FHIP1A: variants seen among roughly 807,000 people sequenced by gnomAD.
The protein encoded by FHIP1A is FHF complex subunit HOOK-interacting protein 1A.
A neutral mutation model predicts 88.6 loss-of-function variants in FHIP1A; 61 were observed. The observed-to-expected ratio is 0.69, with a 90% CI of 0.56 to 0.85. The LOEUF (loss-of-function observed/expected upper bound fraction) is 0.85. Among genes scored for constraint, FHIP1A ranks in the 40% least tolerant of loss-of-function variants. The pLI is 0.00. For synonymous variants in FHIP1A, 478 were observed against 496.0 expected, an observed-to-expected ratio of 0.96 and a Z score of 0.48; for missense variants, 1,154 against 1,273.5, an observed-to-expected ratio of 0.91 and a Z score of 1.43.
intron 3 of FHIP1A, among the ~76,000 whole-genome samples, chr4:151,496,382 C>T (rs2126655102): frequency 6.6e-6 from 1 of 152,102 alleles, no homozygotes; most frequent in African/African-American, 2.4e-5. Flanking sequence ...TTAGCATCAC[C>T]ATTTCCAGGG....
intron 2 of FHIP1A, among the ~76,000 whole-genome samples, chr4:151,478,253 A>C (rs1242129591): frequency 2.0e-5 from 3 of 152,194 alleles, no homozygotes; most frequent in African/African-American, 4.8e-5. Context: ...TAATATGTTT[A>C]TTTGTGTAAA....
intron 3 of FHIP1A, among the ~76,000 whole-genome samples, chr4:151,497,481 C>T (rs1730504086): frequency 6.6e-6 from 1 of 152,136 alleles, no homozygotes; most frequent in African/African-American, 2.4e-5. Flanking sequence ...ATGTATGTAT[C>T]TTGCAAAACT....
At chr4:151,546,273 C>T (rs1732499088) in intron 3 of FHIP1A, among the ~76,000 whole-genome samples, 1 of 152,226 alleles carries the variant, frequency 6.6e-6, no homozygotes, top group South Asian at 2.1e-4. Context: ...CTACCTCACT[C>T]TCAGGTTCTC....
chr4:151,428,832 C>T (rs1235923476), intron 1 of FHIP1A, among the ~76,000 whole-genome samples: 9 of 152,142 alleles, frequency 5.9e-5, no homozygotes, highest in Non-Finnish European at 1.0e-4. Context: ...AACACCATTC[C>T]TCCCCCTCCC....
At chr4:151,632,709 A>G (rs1246121995) in intron 8 of FHIP1A, among the ~76,000 whole-genome samples, 1 of 152,090 alleles carries the variant, frequency 6.6e-6, no homozygotes, top group African/African-American at 2.4e-5. Flanking sequence ...ATGAATACAT[A>G]CAAATTAAAC....
At chr4:151,475,398 A>C (rs1036704833) in intron 2 of FHIP1A, among the ~76,000 whole-genome samples, 3 of 152,218 alleles carry the variant, frequency 2.0e-5, no homozygotes, top group Non-Finnish European at 4.4e-5. Context: ...GGGTAGAGAC[A>C]AGATTGGAAT....
intron 4 of FHIP1A, among the ~76,000 whole-genome samples, chr4:151,569,378 C>A (rs1358821651): frequency 6.6e-6 from 1 of 152,004 alleles, no homozygotes; most frequent in Admixed American, 6.6e-5. Flanking sequence ...ATAGAGAAAC[C>A]CCATCTCTAC....
In FHIP1A at chr4:151,657,032, A is replaced by G. The variant is rs1272079685; in HGVS notation, c.2869+134A>G. 12 of 907,054 alleles carry G rather than the reference A, an allele frequency of 1.3e-5. No individual in the cohort carries two copies. The East Asian group carries it at 3.2e-4, about 24-fold the overall frequency. 56.2% of individuals were successfully genotyped at this position (907,054 alleles called of 1,614,324 possible). On this transcript the variant is annotated intron_variant, in intron 13 of 13. Coordinates refer to ENST00000435205, the MANE Select transcript of FHIP1A (RefSeq NM_001109977.3). Reference sequence around the variant, plus strand: ...TCAGAGATATTTTCATTTTTATGCAACAGGGAGGAACCACCTCTTAGCATT... The same window carrying G: ...TCAGAGATATTTTCATTTTTATGCAGCAGGGAGGAACCACCTCTTAGCATT...
intron 7 of FHIP1A, among the ~76,000 whole-genome samples, chr4:151,617,975 T>A (rs1735606635): frequency 6.6e-6 from 1 of 152,230 alleles, no homozygotes; most frequent in Admixed American, 6.5e-5. Flanking sequence ...TGCTGACTTC[T>A]CTTATCTCCA....
At chr4:151,434,361 T>A (rs1322552181) in intron 1 of FHIP1A, among the ~76,000 whole-genome samples, 3 of 152,234 alleles carry the variant, frequency 2.0e-5, no homozygotes, top group Non-Finnish European at 4.4e-5. Flanking sequence ...ATTCTTAGAC[T>A]GTTATAGATC....
In FHIP1A at chr4:151,656,624, C is replaced by A; in HGVS notation, c.2731-136C>A. The A allele has an allele frequency of 9.2e-7, 1 of 1,084,722 alleles. No individual in the cohort carries two copies. Among genetic ancestry groups the A allele is most frequent in the Non-Finnish European group, 1.3e-6 (1 of 759,332 alleles). The allele number at this position is 1,084,722 out of a possible 1,614,324, so 67.2% of individuals were successfully genotyped here. A position where few individuals can be genotyped will look rare whatever the true frequency, so the allele number is the denominator to read the frequency against. On this transcript the variant is annotated intron_variant, in intron 12 of 13. Coordinates refer to ENST00000435205, the MANE Select transcript of FHIP1A (RefSeq NM_001109977.3). This position sits in a 1 kb window ranked among gnomAD's most constrained non-coding sequence, Gnocchi z 4.2. ...TTTGACGGTGCCCTACGCAGAACAC[C>A]CAGGCAGTTAAAAATGAACAAATGT...
At chr4:151,442,497 T>C (rs1246549425) in intron 1 of FHIP1A, among the ~76,000 whole-genome samples, 3 of 152,160 alleles carry the variant, frequency 2.0e-5, no homozygotes, top group Non-Finnish European at 4.4e-5. Context: ...CTTTCTCTGC[T>C]CTCTATTTTC....
At chr4:151,611,627 G>A (rs992571658) in intron 7 of FHIP1A, among the ~76,000 whole-genome samples, 6 of 152,110 alleles carry the variant, frequency 3.9e-5, no homozygotes, top group African/African-American at 7.2e-5. Context: ...TATGTTAAAT[G>A]CTTTAATACA....
At chr4:151,637,151 A>G (rs752867923) in intron 8 of FHIP1A, among the ~76,000 whole-genome samples, 7 of 152,128 alleles carry the variant, frequency 4.6e-5, no homozygotes, top group Non-Finnish European at 8.8e-5. Flanking sequence ...CTCATGCCAT[A>G]TACAAAAATT....
intron 1 of FHIP1A, among the ~76,000 whole-genome samples, chr4:151,410,140 AGGCGGC>A (rs1379693278): frequency 4.9e-4 from 75 of 152,328 alleles, no homozygotes; most frequent in Admixed American, 4.8e-3. Flanking sequence ...GTGTTGGTGC[AGGCGGC>A]GGTAGCCTTG....
At position 151,526,032 on chromosome 4, in the gene FHIP1A, T is replaced by C. The variant is rs918747743; in HGVS notation, c.-122-40106T>C. Among the ~76,000 whole-genome samples the C allele has an allele frequency of 7.9e-5, 12 of 152,278 alleles. No homozygotes were observed. The East Asian group carries it at 2.1e-3, about 27-fold the overall frequency. On this transcript the variant is annotated intron_variant, in intron 3 of 13. Transcript: ENST00000435205. ...GCACCGCCCTTAATCCATTCAACCC[T>C]GAGTGGATACAGCACATGTTTCAGA...
At chr4:151,417,853 C>T (rs1009914559) in intron 1 of FHIP1A, among the ~76,000 whole-genome samples, 6 of 152,044 alleles carry the variant, frequency 3.9e-5, no homozygotes, top group African/African-American at 1.4e-4. Flanking sequence ...TTATTTTAAG[C>T]AAGATGTTGT....
intron 5 of FHIP1A, among the ~76,000 whole-genome samples, chr4:151,583,233 A>G (rs746009605): frequency 3.7e-4 from 57 of 152,236 alleles, no homozygotes; most frequent in Admixed American, 5.9e-4. Context: ...TTCTAAGACT[A>G]TGTAATACTC....
Position 151,577,862 on chromosome 4 carries a change from T to G in FHIP1A, c.518T>G (p.Leu173Arg). Residue 173 changes from leucine (L) to arginine (R), a missense_variant, in exon 5 of 14, where the codon CTT (leucine) becomes CGT (arginine). Physicochemically the swap from Leu to Arg is moderately radical, Grantham distance 102. Transcript: ENST00000435205. ...VVLLNQLCSI[L>R]AKDPSILELF... is the part of the protein sequence containing the mutation. ...CTACTCAATCAGCTCTGTTCCATTC[T>G]TGCCAAAGATCCATCCATTTTAGAA... 1.3e-6 allele frequency: 2 copies of G among 1,552,002 alleles called. No homozygotes were observed. Among genetic ancestry groups the G allele is most frequent in the Non-Finnish European group, 1.7e-6 (2 of 1,147,022 alleles).
Sources: gnomAD v4.1 joint callset for allele counts (sites outside exome capture counted in the v4.1 genomes callset) on GRCh38, gnomAD v4.1.1 for gene constraint, Gnocchi (gnomAD v3.1) non-coding constraint, MANE v1.5 for transcripts, NCBI Gene and HGNC (gene_info 2026-07-23, HGNC 2026-07-21) for gene names.